KLF13: variants seen among roughly 807,000 people sequenced by gnomAD.
KLF13 encodes KLF transcription factor 13.
Under a neutral mutation model 16.7 loss-of-function variants are expected in KLF13, and 8 were observed. The ratio of observed to expected loss-of-function variants is 0.48; its 90% CI spans 0.28 to 0.87. The LOEUF is 0.87. KLF13 is among the 40% of genes least tolerant of loss of function. The pLI, the probability that KLF13 is intolerant of heterozygous loss-of-function variation, is 0.10. For missense variants in KLF13, 447 were observed against 452.2 expected, an observed-to-expected ratio of 0.99 and a Z score of 0.10; for synonymous variants, 245 against 208.4, an observed-to-expected ratio of 1.18 and a Z score of -1.51.
rs1036301361 is a variant in KLF13 at position 31,374,399 on chromosome 15, T to G, written c.*2100T>G. On this transcript the variant is annotated 3_prime_UTR_variant, in exon 2 of 2. Transcript: ENST00000307145. ...CATGCTGTGTTGGGGCTCTCTGACC[T>G]CCCTGCTTGCATTGGGTCTGGGAGA... 4 of 152,416 alleles carry G rather than the reference T, an allele frequency of 2.6e-5. No homozygotes were observed. Among genetic ancestry groups the G allele is most frequent in the African/African-American group, 9.7e-5 (4 of 41,392 alleles). The allele number at this position is 152,416 out of a possible 1,614,324, so 9.4% of individuals were successfully genotyped here.
intron 1 of KLF13, among the ~76,000 whole-genome samples, chr15:31,351,467 T>G (rs1240649499): frequency 1.8e-5 from 1 of 55,310 alleles, no homozygotes; most frequent in East Asian, 3.9e-4. Flanking sequence ...GTTTCTAACC[T>G]GGTCTGAGTG....
rs2039623755 is a variant in KLF13, at chr15:31,375,195, T to A, written c.*2896T>A. Reference sequence around the variant, plus strand: ...CGCTTGAAGGGCAGGGAGAAACCCATGAATCTCAGGCACGGTTCACAGGGG... The same window carrying A: ...CGCTTGAAGGGCAGGGAGAAACCCAAGAATCTCAGGCACGGTTCACAGGGG... On this transcript the variant is annotated 3_prime_UTR_variant, in exon 2 of 2. Transcript: ENST00000307145. 1 of 152,220 alleles carries A rather than the reference T, an allele frequency of 6.6e-6. No homozygotes were observed. The highest frequency in any genetic ancestry group is 1.5e-5 in the Non-Finnish European group (1 of 68,034). 9.4% of individuals were successfully genotyped at this position (152,220 alleles called of 1,614,324 possible).
downstream of KLF13, among the ~76,000 whole-genome samples, chr15:31,381,408 T>G (rs2039725100): frequency 6.6e-6 from 1 of 152,172 alleles, no homozygotes; most frequent in African/African-American, 2.4e-5. Flanking sequence ...CCTCCTCCAC[T>G]GTCTTCAAAT....
At chr15:31,341,500 T>C (rs972574463) in intron 1 of KLF13, among the ~76,000 whole-genome samples, 1 of 149,466 alleles carries the variant, frequency 6.7e-6, no homozygotes, top group African/African-American at 2.5e-5. Flanking sequence ...CAATTCAGAA[T>C]CTTTTTTTTT....
chr15:31,367,331 C>T lies in KLF13; in HGVS notation c.578-4679C>T, dbSNP rs574370277. 1.4e-4 allele frequency among the ~76,000 whole-genome samples: 22 copies of T among 152,318 alleles called. 1 individual carries two copies. In the South Asian group the frequency reaches 4.1e-3, roughly 29 times the overall value. ...GCAGAGAATGGAGCCGTGGGGGCCG[C>T]GTCTGCCTGGGTCAGGACCATGTCT... On this transcript the variant is annotated intron_variant, in intron 1 of 1. Transcript: ENST00000307145.
rs200393648 is a variant in KLF13, at chr15:31,329,022, C to CT, written c.577+1241dup. Among the ~76,000 whole-genome samples the CT allele has an allele frequency of 4.5e-3, 687 of 152,020 alleles. 8 individuals carry two copies. The highest frequency in any genetic ancestry group is 0.014 in the African/African-American group (570 of 41,452). ...TTGGATACCCTAGAGCTGAAGGCCC[C>CT]TTTTTTTTACCATTTGGAACTGAAA... On this transcript the variant is annotated intron_variant, in intron 1 of 1. Coordinates refer to ENST00000307145, the MANE Select transcript of KLF13 (RefSeq NM_015995.4).
chr15:31,337,183 C>A (rs4779860), intron 1 of KLF13, among the ~76,000 whole-genome samples: 1 of 152,174 alleles, frequency 6.6e-6, no homozygotes, highest in African/African-American at 2.4e-5. Context: ...GCTAAGTGGC[C>A]TGCGGCAGGG....
intron 1 of KLF13, among the ~76,000 whole-genome samples, chr15:31,420,850 G>T (rs1028614210): frequency 6.6e-6 from 1 of 152,004 alleles, no homozygotes. Context: ...CTGCCACCAT[G>T]CCCGGCTAAT....
chr15:31,370,230 G>A (rs1422374877), intron 1 of KLF13, among the ~76,000 whole-genome samples: 2 of 151,688 alleles, frequency 1.3e-5, no homozygotes, highest in Admixed American at 1.3e-4. Flanking sequence ...TCAATAAAGA[G>A]AGCAAGTGTA....
At chr15:31,400,134 C>G (rs2040013337) in intron 2 of KLF13, among the ~76,000 whole-genome samples, 2 of 152,230 alleles carry the variant, frequency 1.3e-5, no homozygotes, top group Non-Finnish European at 2.9e-5. Flanking sequence ...GAGTCCTACT[C>G]CTGTTCCACC....
intron 1 of KLF13, among the ~76,000 whole-genome samples, chr15:31,350,013 T>C (rs1367169231): frequency 6.6e-6 from 1 of 152,232 alleles, no homozygotes; most frequent in Non-Finnish European, 1.5e-5. Flanking sequence ...TTGCCGAATT[T>C]GTGCTTCATG....
chr15:31,415,458 T>A (rs913726171), intron 1 of KLF13, among the ~76,000 whole-genome samples: 9 of 152,150 alleles, frequency 5.9e-5, no homozygotes, highest in Non-Finnish European at 1.0e-4. Flanking sequence ...CACAATGGAA[T>A]GAAATTAGAA....
chr15:31,431,939 GGAATGCCAGGTGGCA>G (rs1440691097), intron 1 of KLF13, among the ~76,000 whole-genome samples: 4 of 151,868 alleles, frequency 2.6e-5, no homozygotes, highest in Admixed American at 2.6e-4. Flanking sequence ...GTGTTGACTG[GGAATGCCAGGTGGCA>G]GAGATCTGGG....
Position 31,327,318 on chromosome 15 carries a change from G to C in KLF13, c.106G>C (p.Glu36Gln), listed in dbSNP as rs1328157610. ...GCGGGAGGGGCCGGAGTCCCGGCCC[G>C]AGGGCGCGGCCGTGGCCGCCACCCC... is the stretch of plus-strand genomic sequence containing the variant. ...GPREGPESRP[E>Q]GAAVAATPTL... is the part of the protein sequence containing the mutation. The change falls in exon 1 of 2, where the codon GAG (glutamate) becomes CAG (glutamine). Residue 36 changes from glutamate (E) to glutamine (Q), a missense_variant. Coordinates refer to ENST00000307145, the MANE Select transcript of KLF13 (RefSeq NM_015995.4). 1.3e-5 allele frequency: 17 copies of C among 1,287,110 alleles called. No individual in the cohort carries two copies. Among genetic ancestry groups the C allele is most frequent in the South Asian group, 4.5e-5 (2 of 44,446 alleles). 79.7% of individuals were successfully genotyped at this position (1,287,110 alleles called of 1,614,324 possible). A position where few individuals can be genotyped will look rare whatever the true frequency, so the allele number is the denominator to read the frequency against.
chr15:31,370,295 A>C (rs190085893), intron 1 of KLF13, among the ~76,000 whole-genome samples: 3 of 152,062 alleles, frequency 2.0e-5, no homozygotes, highest in Admixed American at 6.5e-5. Context: ...CGTGACATCC[A>C]CATATTTTCC....
At chr15:31,330,021 G>T (rs967867043) in intron 1 of KLF13, among the ~76,000 whole-genome samples, 2 of 152,156 alleles carry the variant, frequency 1.3e-5, no homozygotes, top group African/African-American at 4.8e-5. Context: ...AGGGAGTCTG[G>T]TTCAGCATCT....
At chr15:31,337,378 C>G (rs912371895) in intron 1 of KLF13, among the ~76,000 whole-genome samples, 1 of 152,224 alleles carries the variant, frequency 6.6e-6, no homozygotes, top group Non-Finnish European at 1.5e-5. Flanking sequence ...GGGCTCTGGC[C>G]CCTTGCAGCT....
chr15:31,327,572 G>T lies in KLF13; in HGVS notation c.360G>T (p.Pro120=), dbSNP rs1308621423. 4.3e-6 allele frequency: 5 copies of T among 1,165,932 alleles called. No individual in the cohort carries two copies. The African/African-American group carries it at 8.2e-5, about 19-fold the overall frequency. 72.2% of individuals were successfully genotyped at this position (1,165,932 alleles called of 1,614,324 possible). A position where few individuals can be genotyped will look rare whatever the true frequency, so the allele number is the denominator to read the frequency against. Residue 120 remains proline (P), a synonymous_variant, in exon 1 of 2, where the codon CCG becomes CCT. Coordinates refer to ENST00000307145, the MANE Select transcript of KLF13 (RefSeq NM_015995.4). The part of the protein sequence containing the change: ...AEGAAAAPPS[P]AWSEPEPEAG... ...GCGCGGCGGCCGCGCCCCCCAGCCC[G>T]GCGTGGAGCGAGCCGGAGCCCGAGG...
At chr15:31,423,413 C>T (rs546464022) in intron 1 of KLF13, among the ~76,000 whole-genome samples, 6 of 151,802 alleles carry the variant, frequency 4.0e-5, no homozygotes, top group Non-Finnish European at 7.4e-5. Context: ...GGGTGGATCA[C>T]GTGAGGTCAG....
Sources: allele counts gnomAD v4.1 joint callset (sites outside exome capture counted in the v4.1 genomes callset), GRCh38; gene constraint gnomAD v4.1.1; transcripts MANE v1.5; gene names NCBI Gene and HGNC (gene_info 2026-07-23, HGNC 2026-07-21).